CNBD1: variants seen among roughly 807,000 people sequenced by gnomAD.
The protein encoded by CNBD1 is cyclic nucleotide-binding domain-containing protein 1.
Under a neutral mutation model 54.4 loss-of-function variants are expected in CNBD1, and 71 were observed. The observed-to-expected ratio is 1.30, with a 90% CI of 1.08 to 1.59. The LOEUF (loss-of-function observed/expected upper bound fraction) is 1.59, where lower values mean the gene tolerates loss of function less well. Ranked by LOEUF, CNBD1 falls within the 40% of genes most tolerant of loss-of-function variation. CNBD1 has a pLI of 0.00. For missense variants in CNBD1, 659 were observed against 518.0 expected, an observed-to-expected ratio of 1.27 and a Z score of -2.64; for synonymous variants, 182 against 170.7, an observed-to-expected ratio of 1.07 and a Z score of -0.51.
At chr8:87,155,613 G>C (rs554933126) in intron 4 of CNBD1, among the ~76,000 whole-genome samples, 1 of 152,278 alleles carries the variant, frequency 6.6e-6, no homozygotes, top group South Asian at 2.1e-4. Context: ...AATAGAGCTG[G>C]TTTGCATTAA....
chr8:86,929,229 T>G (rs1276714520), intron 3 of CNBD1, among the ~76,000 whole-genome samples: 2 of 152,216 alleles, frequency 1.3e-5, no homozygotes, highest in African/African-American at 2.4e-5. Context: ...TTTGTAGTAT[T>G]TAATGGGGGT....
intron 2 of CNBD1, among the ~76,000 whole-genome samples, chr8:87,410,389 C>T (rs1807721194): frequency 6.6e-6 from 1 of 152,124 alleles, no homozygotes; most frequent in Non-Finnish European, 1.5e-5. Context: ...ATTTACTATT[C>T]TGGATGCCAT....
At chr8:87,245,300 G>A (rs149450269) in intron 6 of CNBD1, among the ~76,000 whole-genome samples, 2 of 152,090 alleles carry the variant, frequency 1.3e-5, no homozygotes, top group African/African-American at 4.8e-5. Context: ...TACAACTCTT[G>A]TATTATAAGA....
At chr8:87,264,518 A>C (rs1234252481) in intron 6 of CNBD1, among the ~76,000 whole-genome samples, 1 of 151,970 alleles carries the variant, frequency 6.6e-6, no homozygotes, top group South Asian at 2.1e-4. Flanking sequence ...ATACCCAGTA[A>C]TGGGATGGCT....
rs114418792 is a variant in CNBD1 at position 87,254,330 on chromosome 8, A to G, written c.771+17218A>G. On this transcript the variant is annotated intron_variant, in intron 6 of 10. Transcript: ENST00000518476. ...GGACTCATAGGGTAACAATTAATAA[A>G]GAGGCTATTTCAGTGCTGTGTAGCT... 8.1e-3 allele frequency among the ~76,000 whole-genome samples: 1,233 copies of G among 152,370 alleles called. 17 individuals carry two copies. The highest frequency in any genetic ancestry group is 0.034 in the Middle Eastern group (10 of 294).
chr8:87,267,347 C>T (rs1437879274), intron 6 of CNBD1, among the ~76,000 whole-genome samples: 6 of 151,880 alleles, frequency 4.0e-5, no homozygotes, highest in Non-Finnish European at 5.9e-5. Context: ...TTATTTCTTA[C>T]ACCAAATTGG....
intron 8 of CNBD1, among the ~76,000 whole-genome samples, chr8:87,348,802 A>C (rs1810225562): frequency 6.6e-6 from 1 of 152,202 alleles, no homozygotes; most frequent in Non-Finnish European, 1.5e-5. Context: ...CTTCTGGCTT[A>C]ATTTAGAATT....
chr8:86,956,881 C>T (rs189959782), intron 4 of CNBD1, among the ~76,000 whole-genome samples: 16 of 152,210 alleles, frequency 1.1e-4, no homozygotes, highest in South Asian at 1.0e-3. Flanking sequence ...ACAGGAGTGG[C>T]GAAAGAGGGC....
In CNBD1 at chr8:87,182,975, T is replaced by C. The variant is rs182470416; in HGVS notation, c.432-23018T>C. Reference sequence around the variant, plus strand: ...GGAGACTTTGACATGAAATTTTTGCTAAGTCCTATGTTCAGAATGTCATTT... The same window carrying C: ...GGAGACTTTGACATGAAATTTTTGCCAAGTCCTATGTTCAGAATGTCATTT... On this transcript the variant is annotated intron_variant, in intron 4 of 10. Coordinates refer to ENST00000518476, the MANE Select transcript of CNBD1 (RefSeq NM_173538.3). The surrounding 1 kb of genome is among the most constrained non-coding windows in gnomAD (Gnocchi z 4.1). Among the ~76,000 whole-genome samples the C allele has an allele frequency of 1.3e-3, 199 of 152,306 alleles. 1 individual carries two copies. Among genetic ancestry groups the C allele is most frequent in the African/African-American group, 4.6e-3 (193 of 41,582 alleles).
Position 87,339,319 on chromosome 8 carries a change from G to A in CNBD1, c.1043-12366G>A, listed in dbSNP as rs140510899. On this transcript the variant is annotated intron_variant, in intron 8 of 10. Transcript: ENST00000518476. ...TCTCCCTGGAGTTTTTGTGTCTCAGGCTTGCCCACACCAAGCTCCAACAAT... is the reference window on the plus strand; with the variant it reads ...TCTCCCTGGAGTTTTTGTGTCTCAGACTTGCCCACACCAAGCTCCAACAAT... 4.5e-4 allele frequency among the ~76,000 whole-genome samples: 67 copies of A among 148,566 alleles called. No individual in the cohort carries two copies. In the East Asian group the frequency reaches 0.013, roughly 28 times the overall value.
intron 6 of CNBD1, among the ~76,000 whole-genome samples, chr8:87,272,963 T>C (rs918281301): frequency 2.0e-5 from 3 of 151,964 alleles, no homozygotes; most frequent in Non-Finnish European, 2.9e-5. Context: ...CTTATAGTTA[T>C]ATTTTTTACA....
chr8:86,915,880 G>A (rs1166986866), intron 3 of CNBD1, among the ~76,000 whole-genome samples: 2 of 152,160 alleles, frequency 1.3e-5, no homozygotes, highest in African/African-American at 4.8e-5. Flanking sequence ...TCGGGTAGAT[G>A]ACAGTCAATT....
intron 6 of CNBD1, among the ~76,000 whole-genome samples, chr8:87,282,435 A>G (rs1176971568): frequency 1.3e-5 from 2 of 151,550 alleles, no homozygotes; most frequent in African/African-American, 4.8e-5. Context: ...GTTTCTTATA[A>G]TGTCTAAAAT....
intron 2 of CNBD1, chr8:87,428,488 T>TG (rs77859984): frequency 5.5e-6 from 2 of 366,610 alleles, no homozygotes; most frequent in Non-Finnish European, 1.1e-5. Context: ...GCAATTGCTC[T>TG]TTTTATGAAG....
At chr8:87,240,809 G>C (rs1807681999) in intron 6 of CNBD1, among the ~76,000 whole-genome samples, 2 of 152,052 alleles carry the variant, frequency 1.3e-5, no homozygotes, top group Non-Finnish European at 2.9e-5. Context: ...CAGTTCCCTG[G>C]AGCTGGTGTT....
At chr8:87,416,048 A>C (rs1367445003) in intron 2 of CNBD1, among the ~76,000 whole-genome samples, 1 of 151,880 alleles carries the variant, frequency 6.6e-6, no homozygotes, top group Non-Finnish European at 1.5e-5. Context: ...AAAAAGCTTT[A>C]CTATAAATAA....
chr8:87,253,398 G>A (rs1807947910), intron 6 of CNBD1, among the ~76,000 whole-genome samples: 1 of 152,146 alleles, frequency 6.6e-6, no homozygotes, highest in Admixed American at 6.6e-5. Context: ...TCTGAAGGTT[G>A]CAGCTCCTGT....
At chr8:87,116,906 A>C (rs896295748) in intron 4 of CNBD1, among the ~76,000 whole-genome samples, 3 of 152,056 alleles carry the variant, frequency 2.0e-5, no homozygotes, top group African/African-American at 7.2e-5. Context: ...TTTTCTTAAC[A>C]GTTCTTATTA....
chr8:87,036,891 A>C (rs1242997538), intron 4 of CNBD1, among the ~76,000 whole-genome samples: 2 of 152,158 alleles, frequency 1.3e-5, no homozygotes, highest in African/African-American at 4.8e-5. Flanking sequence ...CACAGCTGTC[A>C]TCCTAAGATT....
Sources: gnomAD v4.1 joint callset for allele counts (sites outside exome capture counted in the v4.1 genomes callset) on GRCh38, gnomAD v4.1.1 for gene constraint, Gnocchi (gnomAD v3.1) non-coding constraint, MANE v1.5 for transcripts, NCBI Gene and HGNC (gene_info 2026-07-23, HGNC 2026-07-21) for gene names.